Variants in ADGRG3 observed in about 807,000 individuals in gnomAD.
ADGRG3 encodes adhesion G protein-coupled receptor G3.
Under a neutral mutation model 54.3 loss-of-function variants are expected in ADGRG3, and 39 were observed. The observed-to-expected ratio is 0.72, with a 90% CI of 0.56 to 0.94. The LOEUF is 0.94. Among genes scored for constraint, ADGRG3 ranks in the 40% least tolerant of loss-of-function variants. The pLI is 0.00. For synonymous variants in ADGRG3, 312 were observed against 290.0 expected (o/e 1.08, Z -0.77); for missense variants, 654 against 694.6 (o/e 0.94, Z 0.66).
At chr16:57,668,956 C>T (rs1387950836) in intron 1 of ADGRG3, among the ~76,000 whole-genome samples, 3 of 152,222 alleles carry the variant, frequency 2.0e-5, no homozygotes, top group Non-Finnish European at 4.4e-5. Flanking sequence ...GTCACTCTCC[C>T]GTCTCACACA....
rs1042561897 is a variant in ADGRG3, at chr16:57,685,854, T to G, written c.1468T>G (p.Trp490Gly). 1.9e-6 allele frequency: 3 copies of G among 1,614,062 alleles called. No homozygotes were observed. Among genetic ancestry groups the G allele is most frequent in the Non-Finnish European group, 2.5e-6 (3 of 1,179,974 alleles). The stretch of plus-strand genomic sequence containing the variant: ...CCTCTCGAGCCTGGTGGGTGTGACA[T>G]GGGGGTTGGCCATCTTCACCCCGTT... Reference protein sequence around the residue: ...LGLSSLVGVTWGLAIFTPLGL... With the variant: ...LGLSSLVGVTGGLAIFTPLGL... The change falls in exon 11 of 12, where the codon TGG becomes GGG. Residue 490 changes from tryptophan (W) to glycine (G), a missense_variant. Coordinates refer to ENST00000333493, the MANE Select transcript of ADGRG3 (RefSeq NM_170776.5).
intron 1 of ADGRG3, among the ~76,000 whole-genome samples, chr16:57,671,076 T>C (rs902923091): frequency 1.0e-4 from 15 of 146,988 alleles, no homozygotes; most frequent in Non-Finnish European, 2.1e-4. Flanking sequence ...AACAAAGCAC[T>C]TCAGAGTAAA....
rs1490071008 is a variant in ADGRG3, at chr16:57,688,270, C to G, written c.1541-82C>G. ...TTGAGTGGTTACGGTGGGTCTCCTC[C>G]CTCTCAGCAGCCACCAGCCCAGGCT... On this transcript the variant is annotated intron_variant, in intron 11 of 11. Transcript: ENST00000333493. The G allele has an allele frequency of 3.5e-6, 3 of 868,980 alleles. No individual in the cohort carries two copies. In the Admixed American group the frequency reaches 5.1e-5, roughly 15 times the overall value. 53.8% of individuals were successfully genotyped at this position (868,980 alleles called of 1,614,324 possible). A position where few individuals can be genotyped will look rare whatever the true frequency, so the allele number is the denominator to read the frequency against.
rs2048196089 is a variant in ADGRG3, at chr16:57,673,304, C to G, written c.59-17C>G. The G allele has an allele frequency of 6.2e-7, 1 of 1,606,510 alleles. No individual in the cohort carries two copies. The highest frequency in any genetic ancestry group is 8.5e-7 in the Non-Finnish European group (1 of 1,173,596). ...TCTTCGTCCAGCCCATTCACACTCTCTGCATTCCTTCCTTAGGTCAGGAAA... is the reference window on the plus strand; with the variant it reads ...TCTTCGTCCAGCCCATTCACACTCTGTGCATTCCTTCCTTAGGTCAGGAAA... On this transcript the variant is annotated splice_polypyrimidine_tract_variant and intron_variant, in intron 1 of 11. Transcript: ENST00000333493.
rs745971214 is a variant in ADGRG3, at chr16:57,688,696, C to A, written c.*235C>A. On this transcript the variant is annotated 3_prime_UTR_variant, in exon 12 of 12. Transcript: ENST00000333493. ...CTCTAAAGTTCCTATAGTCCTGAGA[C>A]CCCCTGCCAGCAAAGAGTGACAGTC... 88 of 492,868 alleles carry A rather than the reference C, an allele frequency of 1.8e-4. No individual in the cohort carries two copies. The highest frequency in any genetic ancestry group is 3.1e-4 in the African/African-American group (16 of 51,876). The allele number at this position is 492,868 out of a possible 1,614,324, so 30.5% of individuals were successfully genotyped here.
intron 8 of ADGRG3, chr16:57,682,389 C>T (rs1597775985): frequency 1.5e-6 from 1 of 661,780 alleles, no homozygotes; most frequent in East Asian, 1.4e-4. Flanking sequence ...TCTGTGTCAG[C>T]ATTTGGCCCT....
chr16:57,677,199 G>A (rs2048279813), intron 3 of ADGRG3, among the ~76,000 whole-genome samples: 1 of 152,218 alleles, frequency 6.6e-6, no homozygotes, highest in Admixed American at 6.5e-5. Flanking sequence ...TAAACCCCCT[G>A]TGCCAATGTG....
intron 10 of ADGRG3, among the ~76,000 whole-genome samples, chr16:57,685,406 G>A (rs77372795): frequency 2.1e-3 from 324 of 152,230 alleles, no homozygotes; most frequent in Non-Finnish European, 3.3e-3. Flanking sequence ...CACTAATTCC[G>A]TTTTTTTCAC....
At chr16:57,679,644 G>C (rs1396455131) in intron 5 of ADGRG3, among the ~76,000 whole-genome samples, 172 bp from the exon 6 acceptor site, 1 of 152,038 alleles carries the variant, frequency 6.6e-6, no homozygotes, top group African/African-American at 2.4e-5. Flanking sequence ...CCGGCCCAGG[G>C]CTCATCAAAT....
chr16:57,671,922 GC>G lies in ADGRG3; in HGVS notation c.59-1397del, dbSNP rs566206456. ...CCTATAAATCGCAGCACTTTGGAAG[GC>G]CAGGGTGAGCGGATCGCTTGAGCCC... On this transcript the variant is annotated intron_variant, in intron 1 of 11. Coordinates refer to ENST00000333493, the MANE Select transcript of ADGRG3 (RefSeq NM_170776.5). Among the ~76,000 whole-genome samples the G allele has an allele frequency of 2.8e-3, 422 of 152,326 alleles. 1 individual carries two copies. The highest frequency in any genetic ancestry group is 5.0e-3 in the Non-Finnish European group (341 of 68,028).
chr16:57,678,867 C>A, intron 4 of ADGRG3: 1 of 441,950 alleles, frequency 2.3e-6, no homozygotes, highest in Non-Finnish European at 4.1e-6. Flanking sequence ...CCGCTGACTT[C>A]CATTTCTTGG....
At chr16:57,668,484 G>T in intron 1 of ADGRG3, 79 bp downstream of exon 1, 1 of 1,320,200 alleles carries the variant, frequency 7.6e-7, no homozygotes, top group Non-Finnish European at 1.1e-6. Context: ...AGGGACAGAC[G>T]CAGGGACTGG....
intron 2 of ADGRG3, 42 bp from the exon 3 acceptor site, chr16:57,676,158 C>T (rs758344082): frequency 1.3e-6 from 2 of 1,595,854 alleles, no homozygotes; most frequent in Non-Finnish European, 1.7e-6. Flanking sequence ...AGTAACTCAG[C>T]CTGCAGGATC....
In ADGRG3 at chr16:57,684,158, G is replaced by T; in HGVS notation, c.1108G>T (p.Val370Phe). 1 of 1,614,034 alleles carries T rather than the reference G, an allele frequency of 6.2e-7. No individual in the cohort carries two copies. Among genetic ancestry groups the T allele is most frequent in the Non-Finnish European group, 8.5e-7 (1 of 1,179,962 alleles). The change falls in exon 9 of 12, where the codon GTC (valine) becomes TTC (phenylalanine). Residue 370 changes from valine to phenylalanine, a missense_variant. By Grantham distance (50) the Val-to-Phe change is conservative. Coordinates refer to ENST00000333493, the MANE Select transcript of ADGRG3 (RefSeq NM_170776.5). ...AFHLYLLAVR[V>F]FNTYFGHYFL... ...CCACCTCTACCTGCTCGCTGTCAGG[G>T]TCTTCAACACCTACTTCGGGCACTA...
Position 57,685,636 on chromosome 16 carries a change from C to A in ADGRG3, c.1257-7C>A. ...CCCAGTCCCACCACAGCTGCCCCCT[C>A]CTCCAGATGCTGGTTCCGTGAAGGG... On this transcript the variant is annotated splice_polypyrimidine_tract_variant and splice_region_variant and intron_variant, in intron 10 of 11. Coordinates refer to ENST00000333493, the MANE Select transcript of ADGRG3 (RefSeq NM_170776.5). 1 of 1,613,258 alleles carries A rather than the reference C, an allele frequency of 6.2e-7. No homozygotes were observed. Among genetic ancestry groups the A allele is most frequent in the Non-Finnish European group, 8.5e-7 (1 of 1,179,256 alleles).
chr16:57,669,993 G>A (rs925943043), intron 1 of ADGRG3, among the ~76,000 whole-genome samples: 1 of 152,138 alleles, frequency 6.6e-6, no homozygotes, highest in African/African-American at 2.4e-5. Flanking sequence ...GGGGCCAGGA[G>A]GGAGTGGCCC....
chr16:57,680,273 G>A lies in ADGRG3; in HGVS notation c.676G>A (p.Gly226Arg). Residue 226 changes from glycine (G) to arginine (R), a missense_variant, in exon 7 of 12, where the codon GGA (glycine) becomes AGA (arginine). By Grantham distance (125) the Gly-to-Arg change is moderately radical (BLOSUM62 -2). Coordinates refer to ENST00000333493, the MANE Select transcript of ADGRG3 (RefSeq NM_170776.5). ...CCTGGCCTCCTCTCCAGGGACCACT[G>A]GAGACTGGTCTTCTGAGGGCTGCTC... ...VFWDVTKGTT[G>R]DWSSEGCSTE... is the part of the protein sequence containing the mutation. The A allele has an allele frequency of 1.9e-6, 3 of 1,596,034 alleles. No individual in the cohort carries two copies. The highest frequency in any genetic ancestry group is 2.6e-6 in the Non-Finnish European group (3 of 1,172,660).
chr16:57,683,656 C>A (rs181246104), intron 8 of ADGRG3, among the ~76,000 whole-genome samples: 21 of 152,332 alleles, frequency 1.4e-4, no homozygotes, highest in African/African-American at 5.1e-4. Flanking sequence ...CATTTTCTGG[C>A]CTCATTTTCC....
Position 57,679,309 on chromosome 16 carries a change from C to A in ADGRG3, c.625C>A (p.Pro209Thr). 1 of 1,613,746 alleles carries A rather than the reference C, an allele frequency of 6.2e-7. No individual in the cohort carries two copies. The highest frequency in any genetic ancestry group is 8.5e-7 in the Non-Finnish European group (1 of 1,179,886). ...EIVFSHQRPP[P>T]NMTLTCVFWD... is the part of the protein sequence containing the mutation. ...CGTCTTCTCTCACCAGCGACCGCCC[C>A]CTGTGAGTCCCCTGCTCAGGCCTGG... The change falls in exon 5 of 12, where the codon CCT becomes ACT. Residue 209 changes from proline (P) to threonine (T), a missense_variant and splice_region_variant. By Grantham distance (38) the Pro-to-Thr change is conservative. Transcript: ENST00000333493.
Sources: gnomAD v4.1 joint callset for allele counts (sites outside exome capture counted in the v4.1 genomes callset) on GRCh38, gnomAD v4.1.1 for gene constraint, MANE v1.5 for transcripts, NCBI Gene and HGNC (gene_info 2026-07-23, HGNC 2026-07-21) for gene names.